Variants in DMD observed in about 807,000 individuals in gnomAD.
DMD encodes the protein dystrophin.
In DMD, 63 loss-of-function variants were observed where a neutral mutation model predicts 330.1. The ratio of observed to expected loss-of-function variants is 0.19; its 90% CI spans 0.16 to 0.24. The LOEUF (loss-of-function observed/expected upper bound fraction) is 0.24, where lower values mean the gene tolerates loss of function less well. Among genes scored for constraint, DMD ranks in the 10% least tolerant of loss-of-function variants. DMD has a pLI of 1.00. For synonymous variants in DMD, 1,223 were observed against 959.8 expected, an observed-to-expected ratio of 1.27 and a Z score of -5.07; for missense variants, 3,344 against 2,684.1, an observed-to-expected ratio of 1.25 and a Z score of -5.43.
intron 60 of DMD, among the ~76,000 whole-genome samples, chrX:31,350,626 T>A (rs866498525): frequency 2.7e-4 from 13 of 48,269 alleles, no homozygotes; most frequent in Non-Finnish European, 4.8e-4. Flanking sequence ...TGTGTGTGTG[T>A]GTGTGTGAGA....
At chrX:31,237,245 T>A (rs751371874) in intron 63 of DMD, among the ~76,000 whole-genome samples, 2 of 112,505 alleles carry the variant, frequency 1.8e-5, no homozygotes, top group Non-Finnish European at 3.7e-5. Context: ...CTGTTGAGTC[T>A]TTATGCATGA....
At chrX:31,192,841 C>T (rs1425268490) in intron 67 of DMD, among the ~76,000 whole-genome samples, 1 of 111,993 alleles carries the variant, frequency 8.9e-6, no homozygotes, top group Non-Finnish European at 1.9e-5. Context: ...TCTTTTGAAT[C>T]TTTAATTTGT....
chrX:31,969,497 G>A (rs1004627051), intron 44 of DMD, among the ~76,000 whole-genome samples: 5 of 110,820 alleles, frequency 4.5e-5, no homozygotes, highest in African/African-American at 9.8e-5. Flanking sequence ...AATAATGTGC[G>A]TATGTAGAAA....
chrX:33,265,963 T>G (rs1186143070), intron 1 of DMD, among the ~76,000 whole-genome samples: 1 of 111,634 alleles, frequency 9.0e-6, no homozygotes, highest in African/African-American at 3.2e-5. Flanking sequence ...AATTATAGAT[T>G]AAATACTGAT....
rs200621638 is a variant in DMD at position 33,305,604 on chromosome X, CA to C, written c.7+33654del. ...TTAAAAAAAATGCCAAATATAACTT[CA>C]AAAAAAAAAAAAAGAAATCTATACC... On this transcript the variant is annotated intron_variant, in intron 1 of 17. Coordinates refer to the DMD transcript ENST00000288447. Among the ~76,000 whole-genome samples, 336 of 84,200 alleles carry C rather than the reference CA, an allele frequency of 4.0e-3. 1 individual carries two copies. Among genetic ancestry groups the C allele is most frequent in the Middle Eastern group, 7.4e-3 (1 of 135 alleles). The allele number at this position is 84,200 out of a possible 115,157, so 73.1% of individuals were successfully genotyped here. A position where few individuals can be genotyped will look rare whatever the true frequency, so the allele number is the denominator to read the frequency against.
At chrX:32,701,370 G>A (rs1478493820) in intron 7 of DMD, among the ~76,000 whole-genome samples, 3 of 111,940 alleles carry the variant, frequency 2.7e-5, no homozygotes, top group African/African-American at 9.7e-5. Flanking sequence ...TCAACAGATG[G>A]TCAAAGTAAT....
At chrX:33,054,101 T>C (rs2094491114) in intron 1 of DMD, among the ~76,000 whole-genome samples, 1 of 112,054 alleles carries the variant, frequency 8.9e-6, no homozygotes, top group Non-Finnish European at 1.9e-5. Flanking sequence ...CAGGAGGCTA[T>C]TGTAATCACT....
At chrX:33,243,994 T>G (rs1296720352) in intron 1 of DMD, among the ~76,000 whole-genome samples, 1 of 112,171 alleles carries the variant, frequency 8.9e-6, no homozygotes, top group Non-Finnish European at 1.9e-5. Context: ...ATTCCTTAAA[T>G]ATATACAAAT....
intron 19 of DMD, among the ~76,000 whole-genome samples, chrX:32,496,894 A>C (rs778414579): frequency 5.3e-5 from 6 of 112,730 alleles, no homozygotes; most frequent in Non-Finnish European, 1.1e-4. Context: ...GAGGAAATAT[A>C]TGCAACTGTG....
chrX:32,721,938 G>T (rs1164909908), intron 7 of DMD, among the ~76,000 whole-genome samples: 1 of 108,758 alleles, frequency 9.2e-6, no homozygotes, highest in Non-Finnish European at 1.9e-5. Context: ...ATATCTTCTT[G>T]GTGGTCCTGT....
intron 29 of DMD, among the ~76,000 whole-genome samples, chrX:32,431,092 T>C (rs1842723454): frequency 9.0e-6 from 1 of 111,582 alleles, no homozygotes; most frequent in Non-Finnish European, 1.9e-5. Flanking sequence ...GTGGAATTGC[T>C]GGATCATATA....
intron 67 of DMD, among the ~76,000 whole-genome samples, chrX:31,189,490 T>C (rs1255475131): frequency 9.0e-6 from 1 of 111,486 alleles, no homozygotes; most frequent in Admixed American, 9.5e-5. Context: ...CACTTATAAG[T>C]GGACCCACAC....
chrX:32,854,410 G>T (rs768904358), intron 2 of DMD, among the ~76,000 whole-genome samples: 93 of 110,446 alleles, frequency 8.4e-4, no homozygotes, highest in South Asian at 5.0e-3. Context: ...AAAACACAAG[G>T]GAATTAATCT....
chrX:31,977,220 G>A (rs1039226750), intron 44 of DMD, among the ~76,000 whole-genome samples: 3 of 112,049 alleles, frequency 2.7e-5, no homozygotes, highest in African/African-American at 9.7e-5. Flanking sequence ...GATAAATTGA[G>A]CAGAAAACTA....
chrX:33,145,390 C>G (rs1452099142), intron 1 of DMD, among the ~76,000 whole-genome samples: 1 of 111,613 alleles, frequency 9.0e-6, no homozygotes, highest in Admixed American at 9.6e-5. Context: ...CCCAATCACT[C>G]ACTATCTCAA....
chrX:32,558,958 T>C (rs865824441), intron 16 of DMD, among the ~76,000 whole-genome samples: 22 of 59,477 alleles, frequency 3.7e-4, no homozygotes, highest in African/African-American at 9.0e-4. Context: ...TTTTTTTTTT[T>C]TTTTTTTTTT....
chrX:32,378,577 A>C (rs2147441804), intron 34 of DMD, among the ~76,000 whole-genome samples: 1 of 110,800 alleles, frequency 9.0e-6, no homozygotes, highest in South Asian at 3.7e-4. Flanking sequence ...ATGTTCAAAT[A>C]CTTTCATACG....
At chrX:31,296,727 T>A (rs999151754) in intron 62 of DMD, among the ~76,000 whole-genome samples, 2 of 112,062 alleles carry the variant, frequency 1.8e-5, no homozygotes, top group African/African-American at 6.5e-5. Flanking sequence ...ATTTTACTTA[T>A]AATATTCCTG....
intron 44 of DMD, among the ~76,000 whole-genome samples, chrX:32,178,940 T>TTCTCTCTCTCTCTCTCTCTC (rs528690053): frequency 4.4e-5 from 3 of 68,619 alleles, no homozygotes; most frequent in Admixed American, 1.8e-4. Flanking sequence ...AAACCCCAGA[T>TTCTCTCTCTCTCTCTCTCTC]TCTCTCTCTC....
Sources: allele counts gnomAD v4.1 joint callset (sites outside exome capture counted in the v4.1 genomes callset), GRCh38; gene constraint gnomAD v4.1.1; transcripts MANE v1.5; gene names NCBI Gene and HGNC (gene_info 2026-07-23, HGNC 2026-07-21).